The following PKD2 variants were observed in gnomAD, a reference collection of about 807,000 sequenced individuals.
The protein encoded by PKD2 is polycystin 2, transient receptor potential cation channel.
A neutral mutation model predicts 105.9 loss-of-function variants in PKD2; 48 were observed. That is an observed-to-expected ratio of 0.45 (90% CI 0.36 to 0.58). PKD2 has a LOEUF of 0.58. PKD2 is among the 20% of genes least tolerant of loss of function. The pLI, the probability that PKD2 is intolerant of heterozygous loss-of-function variation, is 0.00. For missense variants in PKD2, 1,078 were observed against 1,255.3 expected, an observed-to-expected ratio of 0.86 and a Z score of 2.13; for synonymous variants, 464 against 481.1, an observed-to-expected ratio of 0.96 and a Z score of 0.46.
intron 13 of PKD2, among the ~76,000 whole-genome samples, chr4:88,071,882 A>G (rs990355158): frequency 7.5e-5 from 11 of 147,346 alleles, no homozygotes; most frequent in Non-Finnish European, 1.0e-4. Flanking sequence ...TGATTGGTCT[A>G]TTGTTTTCCA....
At chr4:88,062,823 A>T (rs1311558190) in intron 10 of PKD2, among the ~76,000 whole-genome samples, 1 of 152,116 alleles carries the variant, frequency 6.6e-6, no homozygotes, top group East Asian at 1.9e-4. Flanking sequence ...AGTCCTTGGG[A>T]TGGGACCTAA....
At chr4:88,047,833 A>AAAAAAT (rs1211429402) in intron 6 of PKD2, among the ~76,000 whole-genome samples, 1 of 152,128 alleles carries the variant, frequency 6.6e-6, no homozygotes, top group Non-Finnish European at 1.5e-5. Flanking sequence ...CCCCATCTCT[A>AAAAAAT]AAAAATAAAA....
intron 13 of PKD2, among the ~76,000 whole-genome samples, chr4:88,069,057 C>G (rs1578149701): frequency 6.6e-6 from 1 of 152,250 alleles, no homozygotes; most frequent in Non-Finnish European, 1.5e-5. Context: ...CACTTTATCT[C>G]TAGTAAAATT....
At chr4:88,043,154 A>G (rs1727635071) in intron 4 of PKD2, 79 bp from the exon 5 acceptor site, 1 of 905,054 alleles carries the variant, frequency 1.1e-6, no homozygotes, top group Non-Finnish European at 1.8e-6. Context: ...TTATTTTACA[A>G]GGAACCAGCT....
rs757682666 is a variant in PKD2 at position 88,068,047 on chromosome 4, C to T, written c.2508C>T (p.Tyr836=). 72 of 1,613,886 alleles carry T rather than the reference C, an allele frequency of 4.5e-5. No individual in the cohort carries two copies. The East Asian group carries it at 4.9e-4, about 11-fold the overall frequency. ...RRGSISSGVS[Y]EEFQVLVRRV... Reference sequence around the variant, plus strand: ...GAAGCATTTCTAGTGGCGTTTCTTACGAAGAGTTTCAAGTGTAAGTATAAA... The same window carrying T: ...GAAGCATTTCTAGTGGCGTTTCTTATGAAGAGTTTCAAGTGTAAGTATAAA... The change falls in exon 13 of 15, where the codon TAC becomes TAT. Residue 836 remains tyrosine, a synonymous_variant. Transcript: ENST00000237596.
intron 6 of PKD2, among the ~76,000 whole-genome samples, chr4:88,047,787 C>G (rs920989293): frequency 2.0e-5 from 3 of 152,012 alleles, no homozygotes; most frequent in African/African-American, 7.3e-5. Flanking sequence ...CACTTGAGAT[C>G]AGGAGTTTGA....
intron 3 of PKD2, among the ~76,000 whole-genome samples, chr4:88,037,227 C>A (rs1236880308): frequency 2.0e-5 from 3 of 151,696 alleles, no homozygotes; most frequent in Non-Finnish European, 4.4e-5. Flanking sequence ...AGAGTGAGAC[C>A]CTTTCTCAAA....
chr4:88,045,008 AAAAAG>A (rs1376022798), intron 5 of PKD2, among the ~76,000 whole-genome samples: 2 of 152,222 alleles, frequency 1.3e-5, no homozygotes, highest in Non-Finnish European at 2.9e-5. Flanking sequence ...CAGTGCAGAT[AAAAAG>A]AAAAGAATAA....
chr4:88,051,050 G>T (rs1720078361), intron 6 of PKD2, among the ~76,000 whole-genome samples: 1 of 152,190 alleles, frequency 6.6e-6, no homozygotes, highest in African/African-American at 2.4e-5. Context: ...GTGGGGCCAG[G>T]TTGTTATGAC....
chr4:88,014,920 C>G (rs7654921), intron 1 of PKD2, among the ~76,000 whole-genome samples: 1,692 of 152,284 alleles, frequency 0.011, 42 homozygotes, highest in African/African-American at 0.039. Flanking sequence ...GGTACTCTTA[C>G]TCCATTTTTA....
At chr4:88,047,882 A>G (rs1456565443) in intron 6 of PKD2, among the ~76,000 whole-genome samples, 3 of 152,202 alleles carry the variant, frequency 2.0e-5, no homozygotes, top group Non-Finnish European at 4.4e-5. Flanking sequence ...AATCAAGACC[A>G]TGACACCATG....
intron 7 of PKD2, 69 bp from the exon 8 acceptor site, chr4:88,056,017 T>C: frequency 1.0e-6 from 1 of 978,490 alleles, no homozygotes; most frequent in Non-Finnish European, 1.6e-6. Flanking sequence ...GATGAAATAA[T>C]GTTTTATTAT....
At position 88,036,360 on chromosome 4, in the gene PKD2, G is replaced by T; in HGVS notation, c.843+7G>T. The T allele has an allele frequency of 6.2e-7, 1 of 1,611,618 alleles. No homozygotes were observed. Among genetic ancestry groups the T allele is most frequent in the Non-Finnish European group, 8.5e-7 (1 of 1,177,776 alleles). On this transcript the variant is annotated splice_region_variant and intron_variant, in intron 3 of 14. Coordinates refer to ENST00000237596, the MANE Select transcript of PKD2 (RefSeq NM_000297.4). Reference sequence around the variant, plus strand: ...CATGGAAGACTTCTGGAAGGTATTTGCAAATAACTTTGAAAGTACCTCTCT... The same window carrying T: ...CATGGAAGACTTCTGGAAGGTATTTTCAAATAACTTTGAAAGTACCTCTCT...
chr4:88,026,315 T>C (rs1300976898), intron 2 of PKD2, among the ~76,000 whole-genome samples: 8 of 152,240 alleles, frequency 5.3e-5, no homozygotes, highest in Non-Finnish European at 1.0e-4. Flanking sequence ...TTACATGTTT[T>C]AGCGAAGAGA....
At chr4:88,040,024 C>T (rs1352671663) in intron 4 of PKD2, among the ~76,000 whole-genome samples, 1 of 152,180 alleles carries the variant, frequency 6.6e-6, no homozygotes, top group African/African-American at 2.4e-5. Context: ...TAAATTTATA[C>T]AGCCACTGCT....
intron 8 of PKD2, among the ~76,000 whole-genome samples, 196 bp downstream of exon 8, chr4:88,056,463 T>A (rs1643474781): frequency 1.3e-5 from 2 of 152,210 alleles, no homozygotes; most frequent in South Asian, 4.1e-4. Flanking sequence ...TGCTGATGCT[T>A]AAGATAGCAG....
chr4:88,042,319 A>G (rs1727594958), intron 4 of PKD2, among the ~76,000 whole-genome samples: 4 of 152,176 alleles, frequency 2.6e-5, no homozygotes. Context: ...GGAAAATCCC[A>G]CTTATAAAAC....
chr4:88,029,354 T>C (rs1032449131), intron 2 of PKD2, among the ~76,000 whole-genome samples: 6 of 152,230 alleles, frequency 3.9e-5, no homozygotes, highest in African/African-American at 1.4e-4. Flanking sequence ...TGCGTGCCAG[T>C]GACTCCACGT....
intron 2 of PKD2, among the ~76,000 whole-genome samples, chr4:88,023,845 A>T (rs1230510994): frequency 6.6e-6 from 1 of 152,236 alleles, no homozygotes; most frequent in East Asian, 1.9e-4. Flanking sequence ...TAATTATTTG[A>T]GCCTAGACTC....
Sources: allele counts gnomAD v4.1 joint callset (sites outside exome capture counted in the v4.1 genomes callset), GRCh38; gene constraint gnomAD v4.1.1; transcripts MANE v1.5; gene names NCBI Gene and HGNC (gene_info 2026-07-23, HGNC 2026-07-21).